The following EP300 variants were observed in gnomAD, a reference collection of about 807,000 sequenced individuals.
EP300 encodes the protein EP300 lysine acetyltransferase, also known as histone acetyltransferase p300.
EP300 carries 31 observed loss-of-function variants against 264.0 expected under a neutral mutation model. That is an observed-to-expected ratio of 0.12 (90% confidence interval 0.09 to 0.16). The LOEUF is 0.16. EP300 is among the 10% of genes least tolerant of loss of function. EP300 has a pLI of 1.00. For missense variants in EP300, 2,766 were observed against 3,052.9 expected, an observed-to-expected ratio of 0.91 and a Z score of 2.21; for synonymous variants, 1,340 against 1,045.4, an observed-to-expected ratio of 1.28 and a Z score of -5.44.
intron 14 of EP300, 144 bp from the exon 15 acceptor site, chr22:41,151,689 C>T (rs1272067400): frequency 7.4e-6 from 6 of 815,834 alleles, no homozygotes; most frequent in Non-Finnish European, 1.2e-5. Flanking sequence ...GTGAAATGGG[C>T]AGAGCAAATG....
intron 28 of EP300, 89 bp from the exon 29 acceptor site, chr22:41,173,534 C>T (rs952328963): frequency 7.7e-7 from 1 of 1,303,254 alleles, no homozygotes; most frequent in Non-Finnish European, 1.1e-6. Context: ...ATTATGATAT[C>T]TAGTTTCAAA....
chr22:41,176,664 C>G, intron 30 of EP300, 109 bp from the exon 31 acceptor site: 2 of 1,610,144 alleles, frequency 1.2e-6, no homozygotes, highest in African/African-American at 2.7e-5. Flanking sequence ...GCTGAAGAGG[C>G]TAGTTTTTGT....
At chr22:41,096,583 TG>T (rs1311816490) in intron 1 of EP300, among the ~76,000 whole-genome samples, 3 of 150,828 alleles carry the variant, frequency 2.0e-5, no homozygotes, top group African/African-American at 7.3e-5. Context: ...AGTGGAGAAG[TG>T]GTAAGGCTTT....
chr22:41,142,400 GT>G (rs770938758), intron 10 of EP300, among the ~76,000 whole-genome samples: 3 of 152,154 alleles, frequency 2.0e-5, no homozygotes, highest in Non-Finnish European at 4.4e-5. Context: ...GCCAGGTACT[GT>G]TTTGTAATGT....
Position 41,151,836 on chromosome 22 carries a change from T to C in EP300, c.2821T>C (p.Ser941Pro). Residue 941 changes from serine (S) to proline (P), a missense_variant, in exon 15 of 31, where the codon TCC becomes CCC. Coordinates refer to ENST00000263253, the MANE Select transcript of EP300 (RefSeq NM_001429.4). The part of the protein sequence containing the change: ...LLPPQPATPL[S>P]QPAVSIEGQV... ...CTTCCCTTTTTTTTCTGCCCAGCTT[T>C]CCCAGCCAGCTGTAAGCATTGAAGG... The C allele has an allele frequency of 6.2e-7, 1 of 1,614,162 alleles. No homozygotes were observed. The highest frequency in any genetic ancestry group is 1.1e-5 in the South Asian group (1 of 91,086).
At chr22:41,167,584 G>GTGTGTATATATATATATA (rs869093144) in intron 23 of EP300, among the ~76,000 whole-genome samples, 3 of 34,498 alleles carry the variant, frequency 8.7e-5, no homozygotes, top group Non-Finnish European at 1.4e-4. Context: ...GTGTGTGTGT[G>GTGTGTATATATATATATA]TATATATATA....
chr22:41,179,024 C>A lies in EP300; in HGVS notation c.*68C>A. 1 of 1,582,672 alleles carries A rather than the reference C, an allele frequency of 6.3e-7. No individual in the cohort carries two copies. The highest frequency in any genetic ancestry group is 8.6e-7 in the Non-Finnish European group (1 of 1,161,826). Reference sequence around the variant, plus strand: ...TTAACAAGACTTTTTGTACTGAAAACAATTTTTTTGAATCTTTCGTAGCCT... The same window carrying A: ...TTAACAAGACTTTTTGTACTGAAAAAAATTTTTTTGAATCTTTCGTAGCCT... On this transcript the variant is annotated 3_prime_UTR_variant, in exon 31 of 31. Transcript: ENST00000263253.
chr22:41,125,781 A>T, intron 2 of EP300, 83 bp from the exon 3 acceptor site: 2 of 1,433,860 alleles, frequency 1.4e-6, no homozygotes, highest in South Asian at 2.4e-5. Context: ...TGTCTTTGTG[A>T]ACTTGGAAGT....
At position 41,150,077 on chromosome 22, in the gene EP300, C is replaced by G. The variant is rs947661982; in HGVS notation, c.2696C>G (p.Pro899Arg). Residue 899 changes from proline to arginine, a missense_variant, in exon 14 of 31, where the codon CCT becomes CGT. Transcript: ENST00000263253. ...PTTQLPQQVQ[P>R]SLPAAPSADQ... ...ACACAACTTCCCCAACAAGTGCAGC[C>G]TTCACTTCCTGCTGCACCTTCTGCT... 2 of 1,613,828 alleles carry G rather than the reference C, an allele frequency of 1.2e-6. No individual in the cohort carries two copies. The highest frequency in any genetic ancestry group is 1.7e-6 in the Non-Finnish European group (2 of 1,180,046).
rs565201123 is a variant in EP300 at position 41,095,587 on chromosome 22, G to A, written c.94+2489G>A. Among the ~76,000 whole-genome samples, 15 of 151,618 alleles carry A rather than the reference G, an allele frequency of 9.9e-5. No homozygotes were observed. In the South Asian group the frequency reaches 2.9e-3, roughly 30 times the overall value. ...ACATTCTGCAGTTTGTAATATGTTT[G>A]CAGGTAACTTTTATTGGAGGCACAT... is the stretch of plus-strand genomic sequence containing the variant. On this transcript the variant is annotated intron_variant, in intron 1 of 30. Coordinates refer to ENST00000263253, the MANE Select transcript of EP300 (RefSeq NM_001429.4).
In EP300 at chr22:41,117,635, C is replaced by T. The variant is rs756667461; in HGVS notation, c.543C>T (p.Gly181=). 6.2e-7 allele frequency: 1 copy of T among 1,614,138 alleles called. No homozygotes were observed. Residue 181 remains glycine, a synonymous_variant, in exon 2 of 31, where the codon GGC becomes GGT. Transcript: ENST00000263253. The part of the protein sequence containing the change: ...AGMNPGMLAA[G]NGQGIMPNQV... Reference sequence around the variant, plus strand: ...TGAATCCTGGAATGTTGGCTGCAGGCAATGGACAAGGGATAATGCCTAATC... The same window carrying T: ...TGAATCCTGGAATGTTGGCTGCAGGTAATGGACAAGGGATAATGCCTAATC...
At chr22:41,145,377 A>G (rs1037114254) in intron 10 of EP300, among the ~76,000 whole-genome samples, 3 of 152,220 alleles carry the variant, frequency 2.0e-5, no homozygotes, top group African/African-American at 7.2e-5. Flanking sequence ...CTCATTTACT[A>G]AAGGTTGAAA....
intron 7 of EP300, among the ~76,000 whole-genome samples, chr22:41,137,074 A>G (rs1222752029): frequency 6.6e-6 from 1 of 150,518 alleles, no homozygotes; most frequent in East Asian, 2.0e-4. Context: ...AGGAAAAAAA[A>G]ATGGCTGGGC....
At chr22:41,165,701 C>T (rs1379121756) in intron 22 of EP300, among the ~76,000 whole-genome samples, 2 of 151,108 alleles carry the variant, frequency 1.3e-5, no homozygotes, top group Non-Finnish European at 3.0e-5. Context: ...GGGATTACAG[C>T]ATGAGCCACT....
rs1474261122 is a variant in EP300 at position 41,149,161 on chromosome 22, G to A, written c.2365G>A (p.Ala789Thr). ...CCCTTTGGCTCCGTCCAGCGGTCAA[G>A]CTCCAGTGTCTCAAGTATGTCTCAT... ...NIPLAPSSGQ[A>T]PVSQAQMSSS... Residue 789 changes from alanine to threonine, a missense_variant, in exon 13 of 31, where the codon GCT becomes ACT. Coordinates refer to ENST00000263253, the MANE Select transcript of EP300 (RefSeq NM_001429.4). 1 of 1,613,972 alleles carries A rather than the reference G, an allele frequency of 6.2e-7. No homozygotes were observed. The highest frequency in any genetic ancestry group is 1.7e-5 in the Admixed American group (1 of 59,984).
chr22:41,093,806 T>C (rs1443171512), intron 1 of EP300, among the ~76,000 whole-genome samples: 1 of 152,204 alleles, frequency 6.6e-6, no homozygotes, highest in Non-Finnish European at 1.5e-5. Context: ...TTCTTTGCAG[T>C]TTGCAGTCAC....
At chr22:41,101,585 G>A (rs376596084) in intron 1 of EP300, among the ~76,000 whole-genome samples, 1 of 151,684 alleles carries the variant, frequency 6.6e-6, no homozygotes, top group Non-Finnish European at 1.5e-5. Context: ...CTAATTTTTT[G>A]TATTTTTAGT....
intron 4 of EP300, among the ~76,000 whole-genome samples, chr22:41,128,069 G>C (rs1297433784): frequency 6.6e-6 from 1 of 152,102 alleles, no homozygotes; most frequent in Non-Finnish European, 1.5e-5. Context: ...AGAAGGCTGA[G>C]GAAGGAGGAT....
At position 41,131,384 on chromosome 22, in the gene EP300, C is replaced by G; in HGVS notation, c.1283-4C>G. 6.2e-7 allele frequency: 1 copy of G among 1,613,622 alleles called. No homozygotes were observed. Among genetic ancestry groups the G allele is most frequent in the Non-Finnish European group, 8.5e-7 (1 of 1,179,976 alleles). ...TGTAATACTATATCTTTTGTCTTCT[C>G]TAGCAATTTTGACTGGAGCACCCGT... On this transcript the variant is annotated splice_region_variant and splice_polypyrimidine_tract_variant and intron_variant, in intron 5 of 30. Transcript: ENST00000263253.
Sources: allele counts gnomAD v4.1 joint callset (sites outside exome capture counted in the v4.1 genomes callset), GRCh38; gene constraint gnomAD v4.1.1; transcripts MANE v1.5; gene names NCBI Gene and HGNC (gene_info 2026-07-23, HGNC 2026-07-21).